Variants in ZNF540 observed in about 807,000 individuals in gnomAD.
ZNF540 encodes the protein zinc finger protein 540.
A neutral mutation model predicts 11.8 loss-of-function variants in ZNF540; 3 were observed. The observed-to-expected ratio is 0.25, with a 90% CI of 0.12 to 0.65. ZNF540 has a LOEUF of 0.65. Among genes scored for constraint, ZNF540 ranks in the 30% least tolerant of loss-of-function variants. The probability of loss-of-function intolerance (pLI) is 0.83; values close to 1 mark genes in which losing one functional copy is unlikely to be tolerated. For synonymous variants in ZNF540, 247 were observed against 259.0 expected, an observed-to-expected ratio of 0.95 and a Z score of 0.45; for missense variants, 709 against 793.1, an observed-to-expected ratio of 0.89 and a Z score of 1.27.
intron 4 of ZNF540, 84 bp from the exon 5 acceptor site, chr19:37,611,427 CTT>C (rs2044127507): frequency 1.8e-6 from 2 of 1,124,680 alleles, no homozygotes; most frequent in South Asian, 3.4e-5. Context: ...ACCGTTTTCA[CTT>C]TGTTTCCTAT....
Position 37,598,380 on chromosome 19 carries a change from C to A in ZNF540, c.-68C>A. ...TTTTTTTCTCCTCTAACTCAGGCTT[C>A]TCAGAACTTTGCTTCTCCAGCAGAA... On this transcript the variant is annotated 5_prime_UTR_variant, in exon 2 of 5. Transcript: ENST00000316433. The A allele has an allele frequency of 6.3e-7, 1 of 1,592,488 alleles. No homozygotes were observed. The highest frequency in any genetic ancestry group is 1.1e-5 in the South Asian group (1 of 88,780).
rs58516591 is a variant in ZNF540 at position 37,588,099 on chromosome 19, CAAAAAAAAAA to C, written c.-72-10257_-72-10248del. On this transcript the variant is annotated intron_variant, in intron 1 of 4. Coordinates refer to the ZNF540 transcript ENST00000592533. ...TGGGTGACAGAGCGAGACTCCATCTCAAAAAAAAAAAAAAAAAAAAAAAAAAAAATCCCAT... is the reference window on the plus strand; with the variant it reads ...TGGGTGACAGAGCGAGACTCCATCTCAAAAAAAAAAAAAAAAAAATCCCAT... 2.0e-3 allele frequency among the ~76,000 whole-genome samples: 93 copies of C among 45,758 alleles called. 3 individuals are homozygous for C. In the East Asian group the frequency reaches 0.041, roughly 20 times the overall value. The allele number at this position is 45,758 out of a possible 152,430, so 30.0% of individuals were successfully genotyped here.
intron 1 of ZNF540, among the ~76,000 whole-genome samples, chr19:37,578,233 A>C (rs2043313970): frequency 6.6e-6 from 1 of 152,192 alleles, no homozygotes; most frequent in South Asian, 2.1e-4. Flanking sequence ...GCGCTGGTCT[A>C]GAAGACCATG....
intron 1 of ZNF540, chr19:37,565,214 T>TTAGAATTAGAAA: frequency 6.2e-7 from 1 of 1,613,552 alleles, no homozygotes; most frequent in Non-Finnish European, 8.5e-7. Context: ...TTGAATAAGA[T>TTAGAATTAGAAA]TAGAATTAGA....
intron 1 of ZNF540, among the ~76,000 whole-genome samples, chr19:37,561,037 C>A (rs560097852): frequency 9.4e-6 from 1 of 106,662 alleles, no homozygotes; most frequent in Non-Finnish European, 1.9e-5. Context: ...CAAAATAAGA[C>A]CCTGTCTCTA....
intron 1 of ZNF540, among the ~76,000 whole-genome samples, chr19:37,581,561 C>T (rs904639919): frequency 4.4e-4 from 67 of 151,018 alleles, no homozygotes; most frequent in African/African-American, 1.6e-3. Context: ...GACCTCGGGG[C>T]TCAAATGATC....
chr19:37,593,507 T>C (rs1454280278), upstream of ZNF540, among the ~76,000 whole-genome samples: 1 of 152,028 alleles, frequency 6.6e-6, no homozygotes, highest in Non-Finnish European at 1.5e-5. Flanking sequence ...ATCGAGACCA[T>C]CCTGGCTAAC....
chr19:37,565,001 C>T lies in ZNF540; in HGVS notation c.-73+13336C>T, dbSNP rs566938733. 14 of 1,613,922 alleles carry T rather than the reference C, an allele frequency of 8.7e-6. No homozygotes were observed. In the African/African-American group the frequency reaches 1.7e-4, roughly 20 times the overall value. On this transcript the variant is annotated intron_variant, in intron 1 of 4. Coordinates refer to the ZNF540 transcript ENST00000592533. Reference sequence around the variant, plus strand: ...TACAAAGGTCTTCCCACATTCCTTACATTCATAATGTTTCTCACCATGAAT... The same window carrying T: ...TACAAAGGTCTTCCCACATTCCTTATATTCATAATGTTTCTCACCATGAAT...
intron 1 of ZNF540, among the ~76,000 whole-genome samples, chr19:37,557,518 A>C (rs748460229): frequency 6.6e-6 from 1 of 152,120 alleles, no homozygotes; most frequent in Admixed American, 6.6e-5. Flanking sequence ...CTGAGCCCAC[A>C]ACACATCTGT....
intron 1 of ZNF540, among the ~76,000 whole-genome samples, chr19:37,579,573 C>T (rs10408619): frequency 0.25 from 38,181 of 152,008 alleles, 5,459 homozygotes; most frequent in East Asian, 0.64. Flanking sequence ...TACCTTTCAC[C>T]GTATAAAATA....
At chr19:37,582,544 C>T (rs1357612712) in intron 1 of ZNF540, among the ~76,000 whole-genome samples, 1 of 152,124 alleles carries the variant, frequency 6.6e-6, no homozygotes, top group Non-Finnish European at 1.5e-5. Context: ...TTCAGTTCCT[C>T]GGTACAGAGA....
At chr19:37,572,697 T>G (rs530628265) in intron 1 of ZNF540, among the ~76,000 whole-genome samples, 43 of 152,314 alleles carry the variant, frequency 2.8e-4, no homozygotes, top group Non-Finnish European at 5.0e-4. Flanking sequence ...TTTCTGAACT[T>G]TTAAAGGTTA....
chr19:37,597,733 T>C (rs996638773), intron 1 of ZNF540, among the ~76,000 whole-genome samples: 7 of 152,214 alleles, frequency 4.6e-5, no homozygotes, highest in African/African-American at 1.7e-4. Context: ...AGCCAGCAAA[T>C]GTTTTTTATA....
chr19:37,591,927 G>A (rs909915176), upstream of ZNF540, among the ~76,000 whole-genome samples: 3 of 152,092 alleles, frequency 2.0e-5, no homozygotes, highest in African/African-American at 7.2e-5. Flanking sequence ...AATACAGGAG[G>A]AATTGAGAGA....
chr19:37,598,994 A>G (rs2044017660), intron 2 of ZNF540, among the ~76,000 whole-genome samples: 1 of 152,152 alleles, frequency 6.6e-6, no homozygotes, highest in African/African-American at 2.4e-5. Context: ...CAATATTCTT[A>G]ATCTCAAGAA....
intron 1 of ZNF540, chr19:37,555,256 G>A (rs916632943): frequency 6.6e-6 from 1 of 152,332 alleles, no homozygotes; most frequent in Admixed American, 6.5e-5. Context: ...GGAAAAGGGA[G>A]AGTCTAAAAA....
intron 1 of ZNF540, among the ~76,000 whole-genome samples, chr19:37,562,027 T>A (rs2042722416): frequency 3.3e-5 from 5 of 152,218 alleles, no homozygotes; most frequent in Admixed American, 3.3e-4. Context: ...ATTATAATCA[T>A]ACACTATATA....
chr19:37,581,151 T>G (rs73932916), intron 1 of ZNF540, among the ~76,000 whole-genome samples: 53 of 152,300 alleles, frequency 3.5e-4, no homozygotes, highest in African/African-American at 1.3e-3. Flanking sequence ...AAGCTAAAAT[T>G]TATTCACATC....
Position 37,569,263 on chromosome 19 carries a change from C to T in ZNF540, c.-73+17598C>T, listed in dbSNP as rs1189526478. ...TCACTGCGCCTGGCCCCAAAGCATC[C>T]GGAACCACAACAAAAACCTACTCAG... On this transcript the variant is annotated intron_variant, in intron 1 of 4. Transcript: ENST00000592533. The surrounding 1 kb of genome is among the most constrained non-coding windows in gnomAD (Gnocchi z 4.4). 2.0e-5 allele frequency among the ~76,000 whole-genome samples: 3 copies of T among 151,936 alleles called. No individual in the cohort carries two copies. Among genetic ancestry groups the T allele is most frequent in the African/African-American group, 4.8e-5 (2 of 41,380 alleles).
Sources: allele counts gnomAD v4.1 joint callset (sites outside exome capture counted in the v4.1 genomes callset), GRCh38; gene constraint gnomAD v4.1.1; non-coding constraint Gnocchi (gnomAD v3.1); transcripts MANE v1.5; gene names NCBI Gene and HGNC (gene_info 2026-07-23, HGNC 2026-07-21).